Variants in DLG2 observed in about 807,000 individuals in gnomAD.
The protein encoded by DLG2 is discs large MAGUK scaffold protein 2, also known as disks large homolog 2.
DLG2 carries 45 observed loss-of-function variants against 132.5 expected under a neutral mutation model. The observed-to-expected ratio is 0.34, with a 90% CI of 0.27 to 0.44. DLG2 has a LOEUF of 0.44. Ranked by LOEUF, DLG2 falls within the 20% of genes least tolerant of loss-of-function variation. The pLI is 1.00. For synonymous variants in DLG2, 424 were observed against 419.6 expected (o/e 1.01, Z -0.13); for missense variants, 1,045 against 1,196.9 (o/e 0.87, Z 1.87).
chr11:84,699,312 G>A (rs1332381940), intron 6 of DLG2, among the ~76,000 whole-genome samples: 1 of 151,364 alleles, frequency 6.6e-6, no homozygotes, highest in Admixed American at 6.6e-5. Context: ...GAAGAGCTAG[G>A]GTAAAGAGTA....
intron 3 of DLG2, among the ~76,000 whole-genome samples, chr11:85,348,683 G>A (rs746267489): frequency 1.3e-5 from 2 of 151,826 alleles, no homozygotes; most frequent in Admixed American, 6.6e-5. Context: ...CCTTTCCTTG[G>A]AGATAAAATT....
chr11:85,101,774 T>C (rs2070886014), intron 6 of DLG2, among the ~76,000 whole-genome samples: 1 of 152,070 alleles, frequency 6.6e-6, no homozygotes, highest in African/African-American at 2.4e-5. Context: ...CGTATTCAAT[T>C]ACTGCAACAA....
intron 7 of DLG2, among the ~76,000 whole-genome samples, chr11:84,376,144 G>T (rs2098728073): frequency 6.6e-6 from 1 of 151,870 alleles, no homozygotes; most frequent in Non-Finnish European, 1.5e-5. Context: ...TGGCAGCTAA[G>T]AAATTCACTT....
chr11:85,225,541 T>C (rs1008360566), intron 4 of DLG2, among the ~76,000 whole-genome samples: 2 of 152,122 alleles, frequency 1.3e-5, no homozygotes, highest in Non-Finnish European at 2.9e-5. Flanking sequence ...TCTTCTCTTA[T>C]GCTTCTGGTC....
chr11:85,588,295 T>C (rs983450126), intron 3 of DLG2, among the ~76,000 whole-genome samples: 3 of 152,230 alleles, frequency 2.0e-5, no homozygotes, highest in Admixed American at 2.0e-4. Context: ...CCCAAACTTT[T>C]AGATTTATCT....
intron 6 of DLG2, among the ~76,000 whole-genome samples, chr11:84,775,062 A>G (rs554984241): frequency 1.7e-4 from 26 of 152,318 alleles, no homozygotes; most frequent in East Asian, 5.8e-4. Context: ...TCCAGAATCT[A>G]TAAGAAACTT....
chr11:83,609,146 A>T (rs2059754957), intron 19 of DLG2, among the ~76,000 whole-genome samples: 1 of 152,224 alleles, frequency 6.6e-6, no homozygotes, highest in Non-Finnish European at 1.5e-5. Context: ...TGGCAAGAAG[A>T]AGAGTACTTC....
In DLG2 at chr11:85,033,850, T is replaced by C. The variant is rs1444158424; in HGVS notation, c.357+77811A>G. ...ATGATGTATTAATTCCACTGGAATA[T>C]TATGATCTATTTTTTTCTTCTTTAT... On this transcript the variant is annotated intron_variant, in intron 6 of 27. Transcript: ENST00000376104. Among the ~76,000 whole-genome samples, 3 of 152,222 alleles carry C rather than the reference T, an allele frequency of 2.0e-5. No homozygotes were observed. The East Asian group carries it at 5.8e-4, about 29-fold the overall frequency.
At chr11:84,787,867 G>T (rs1438719814) in intron 6 of DLG2, among the ~76,000 whole-genome samples, 1 of 151,420 alleles carries the variant, frequency 6.6e-6, no homozygotes, top group Non-Finnish European at 1.5e-5. Flanking sequence ...GGGAGGCCGA[G>T]ACAGGTGGAT....
intron 6 of DLG2, among the ~76,000 whole-genome samples, chr11:84,546,081 C>A (rs2099389225): frequency 6.6e-6 from 1 of 152,168 alleles, no homozygotes; most frequent in Admixed American, 6.6e-5. Context: ...TCAGTGTCTT[C>A]TTTAGTGCCA....
At chr11:83,616,498 A>T (rs201894664) in intron 19 of DLG2, among the ~76,000 whole-genome samples, 1 of 97,430 alleles carries the variant, frequency 1.0e-5, no homozygotes, top group Admixed American at 8.5e-5. Context: ...TTAAAAAAAA[A>T]TGTTTTTTTT....
Position 85,345,726 on chromosome 11 carries a change from C to T in DLG2, c.41-60361G>A, listed in dbSNP as rs184285982. On this transcript the variant is annotated intron_variant, in intron 3 of 27. Coordinates refer to ENST00000376104, the MANE Select transcript of DLG2 (RefSeq NM_001142699.3). ...TCTTTCTACTTGCCTGAAATTATTACCCCCATTAGCCTGATAATAGGATCA... is the reference window on the plus strand; with the variant it reads ...TCTTTCTACTTGCCTGAAATTATTATCCCCATTAGCCTGATAATAGGATCA... Among the ~76,000 whole-genome samples, 234 of 152,126 alleles carry T rather than the reference C, an allele frequency of 1.5e-3. 2 individuals are homozygous for T. Among genetic ancestry groups the T allele is most frequent in the African/African-American group, 5.1e-3 (212 of 41,452 alleles).
chr11:83,458,432 C>CT lies in DLG2; in HGVS notation c.*1385dup, dbSNP rs1286903138. Reference sequence around the variant, plus strand: ...TCATTAATTGTCTTTCCTTGTGACTCTATCTCTTTGCTCTGTACATAGAAA... The same window carrying CT: ...TCATTAATTGTCTTTCCTTGTGACTCTTATCTCTTTGCTCTGTACATAGAAA... On this transcript the variant is annotated 3_prime_UTR_variant, in exon 28 of 28. Coordinates refer to ENST00000376104, the MANE Select transcript of DLG2 (RefSeq NM_001142699.3). The CT allele has an allele frequency of 2.0e-5, 3 of 152,664 alleles. No individual in the cohort carries two copies. Among genetic ancestry groups the CT allele is most frequent in the Admixed American group, 6.5e-5 (1 of 15,290 alleles). 9.5% of individuals were successfully genotyped at this position (152,664 alleles called of 1,614,324 possible).
intron 21 of DLG2, chr11:83,486,035 G>A (rs1169612765): frequency 2.3e-6 from 1 of 429,708 alleles, no homozygotes; most frequent in Non-Finnish European, 4.1e-6. Flanking sequence ...GGGAAAAGAG[G>A]TATCACTTCA....
At chr11:85,467,857 A>T (rs528905747) in intron 3 of DLG2, among the ~76,000 whole-genome samples, 2 of 152,082 alleles carry the variant, frequency 1.3e-5, no homozygotes, top group Admixed American at 1.3e-4. Flanking sequence ...CTCTTTTTCT[A>T]CTCATTGGAA....
chr11:85,125,216 T>A (rs564519426), intron 5 of DLG2, among the ~76,000 whole-genome samples: 1 of 152,340 alleles, frequency 6.6e-6, no homozygotes, highest in South Asian at 2.1e-4. Flanking sequence ...TGTCTGAGAA[T>A]ATAAGATTTA....
chr11:84,262,293 A>G (rs1407908260), intron 7 of DLG2, among the ~76,000 whole-genome samples: 1 of 152,162 alleles, frequency 6.6e-6, no homozygotes, highest in Middle Eastern at 3.2e-3. Flanking sequence ...ACTTGTTCTA[A>G]CTTATTATTC....
At chr11:84,119,594 T>TCTTAAAGATTCCTTTAAGGAAAA (rs1444925180) in intron 9 of DLG2, among the ~76,000 whole-genome samples, 4 of 152,028 alleles carry the variant, frequency 2.6e-5, no homozygotes, top group Non-Finnish European at 5.9e-5. Flanking sequence ...AAGCAGGAAA[T>TCTTAAAGATTCCTTTAAGGAAAA]CTTAAAGAAG....
intron 19 of DLG2, among the ~76,000 whole-genome samples, chr11:83,558,938 C>T (rs2096566023): frequency 6.6e-6 from 1 of 150,774 alleles, no homozygotes; most frequent in Non-Finnish European, 1.5e-5. Context: ...TCTAGCATGG[C>T]AGATGAGATG....
Sources: gnomAD v4.1 joint callset for allele counts (sites outside exome capture counted in the v4.1 genomes callset) on GRCh38, gnomAD v4.1.1 for gene constraint, MANE v1.5 for transcripts, NCBI Gene and HGNC (gene_info 2026-07-23, HGNC 2026-07-21) for gene names.